RBFOX3: variants seen among roughly 807,000 people sequenced by gnomAD.
RBFOX3 encodes the protein RNA binding fox-1 homolog 3.
In RBFOX3, 17 loss-of-function variants were observed where a neutral mutation model predicts 48.7. The ratio of observed to expected loss-of-function variants is 0.35; its 90% CI spans 0.24 to 0.52. The LOEUF (loss-of-function observed/expected upper bound fraction) is 0.52, where lower values mean the gene tolerates loss of function less well. Among genes scored for constraint, RBFOX3 ranks in the 20% least tolerant of loss-of-function variants. The pLI, the probability that RBFOX3 is intolerant of heterozygous loss-of-function variation, is 0.94. For synonymous variants in RBFOX3, 212 were observed against 209.5 expected (o/e 1.01, Z -0.10); for missense variants, 382 against 497.5 (o/e 0.77, Z 2.21).
rs1203404870 is a variant in RBFOX3, at chr17:79,106,802, A to G, written c.223-14T>C. On this transcript the variant is annotated splice_polypyrimidine_tract_variant and intron_variant, in intron 5 of 14. Coordinates refer to ENST00000693108, the MANE Select transcript of RBFOX3 (RefSeq NM_001350451.2). ...CTCGTCTGTCTGCTGCAGGGAGAGG[A>G]CTGGGCTGTGGAGGCTGCCTCTGTG... is the stretch of plus-strand genomic sequence containing the variant. The G allele has an allele frequency of 6.6e-7, 1 of 1,506,010 alleles. No homozygotes were observed. Among genetic ancestry groups the G allele is most frequent in the African/African-American group, 1.4e-5 (1 of 70,220 alleles). The allele number at this position is 1,506,010 out of a possible 1,614,324, so 93.3% of individuals were successfully genotyped here. A position where few individuals can be genotyped will look rare whatever the true frequency, so the allele number is the denominator to read the frequency against.
chr17:79,559,468 G>A (rs2092025932), intron 1 of RBFOX3, among the ~76,000 whole-genome samples: 1 of 151,168 alleles, frequency 6.6e-6, no homozygotes, highest in African/African-American at 2.4e-5. Flanking sequence ...GGTGACTGAT[G>A]GATACTGCAT....
At chr17:79,654,374 G>T in the RBFOX3 span, among the ~76,000 whole-genome samples, 1 of 152,284 alleles carries the variant, frequency 6.6e-6, no homozygotes, top group Admixed American at 6.5e-5. Context: ...CAGGGAGCAG[G>T]GAAAGGGAAG....
At chr17:79,219,667 G>A (rs764894708) in intron 4 of RBFOX3, among the ~76,000 whole-genome samples, 10 of 152,276 alleles carry the variant, frequency 6.6e-5, no homozygotes, top group African/African-American at 9.6e-5. Context: ...ACTCTCCCCA[G>A]GGCCTCTGCA....
chr17:79,552,679 T>G (rs1363923563), intron 1 of RBFOX3, among the ~76,000 whole-genome samples: 1 of 152,218 alleles, frequency 6.6e-6, no homozygotes, highest in Non-Finnish European at 1.5e-5. Context: ...TTGGCTCCAT[T>G]TGGAGTTTAT....
At chr17:79,515,789 C>T (rs1793433541) in intron 1 of RBFOX3, among the ~76,000 whole-genome samples, 1 of 152,158 alleles carries the variant, frequency 6.6e-6, no homozygotes. Context: ...GGTTGCACCG[C>T]TTCAGAGTCC....
chr17:79,296,141 C>G (rs575022211), intron 3 of RBFOX3, among the ~76,000 whole-genome samples: 37 of 152,298 alleles, frequency 2.4e-4, no homozygotes, highest in African/African-American at 8.7e-4. Flanking sequence ...GCTGCTGACA[C>G]AGCCAAATTT....
intron 2 of RBFOX3, among the ~76,000 whole-genome samples, chr17:79,452,604 G>T (rs544138614): frequency 6.6e-6 from 1 of 152,282 alleles, no homozygotes; most frequent in Admixed American, 6.5e-5. Flanking sequence ...GGAAGTTAGG[G>T]CCATCAGGGG....
chr17:79,537,651 T>C (rs1555789098), intron 1 of RBFOX3, among the ~76,000 whole-genome samples: 2 of 152,084 alleles, frequency 1.3e-5, no homozygotes, highest in African/African-American at 4.8e-5. Flanking sequence ...AACGGACAAA[T>C]CTACTTCCTC....
At chr17:79,425,829 G>A (rs1053227382) in intron 2 of RBFOX3, among the ~76,000 whole-genome samples, 28 of 152,136 alleles carry the variant, frequency 1.8e-4, no homozygotes, top group Non-Finnish European at 3.2e-4. Context: ...CAGGAGGAGA[G>A]GATGGGGGGA....
At chr17:79,357,110 G>A (rs1405787274) in intron 2 of RBFOX3, among the ~76,000 whole-genome samples, 3 of 152,214 alleles carry the variant, frequency 2.0e-5, no homozygotes, top group Non-Finnish European at 4.4e-5. Flanking sequence ...GCCCACACCC[G>A]CTGGTGACAA....
intron 3 of RBFOX3, among the ~76,000 whole-genome samples, chr17:79,265,664 G>A (rs2066566873): frequency 6.6e-6 from 1 of 152,194 alleles, no homozygotes; most frequent in Non-Finnish European, 1.5e-5. Flanking sequence ...TCCAGAAAGG[G>A]CTTAGTTTCC....
chr17:79,162,745 G>T (rs2047220044), intron 4 of RBFOX3, among the ~76,000 whole-genome samples: 1 of 152,180 alleles, frequency 6.6e-6, no homozygotes, highest in Non-Finnish European at 1.5e-5. Flanking sequence ...GTTGTGGGTG[G>T]TGTGGGCGGG....
rs950673472 is a variant in RBFOX3, at chr17:79,570,653, G to C, written c.-320+40173C>G. ...AGCTCTCAAGCCCTCCTGTCCCTTAGGGTCACCTGGACAGCATTTCCAAAG... is the reference window on the plus strand; with the variant it reads ...AGCTCTCAAGCCCTCCTGTCCCTTACGGTCACCTGGACAGCATTTCCAAAG... On this transcript the variant is annotated intron_variant, in intron 1 of 14. Transcript: ENST00000693108. 3.1e-3 allele frequency among the ~76,000 whole-genome samples: 478 copies of C among 152,302 alleles called. 5 individuals are homozygous for C. Among genetic ancestry groups the C allele is most frequent in the African/African-American group, 0.011 (464 of 41,566 alleles).
chr17:79,644,442 T>C, the RBFOX3 span, among the ~76,000 whole-genome samples: 1 of 152,114 alleles, frequency 6.6e-6, no homozygotes, highest in Non-Finnish European at 1.5e-5. Flanking sequence ...AAAATAAAAT[T>C]AGCAGTAACA....
chr17:79,389,640 G>A (rs1036897130), intron 2 of RBFOX3, among the ~76,000 whole-genome samples: 2 of 152,156 alleles, frequency 1.3e-5, no homozygotes, highest in African/African-American at 2.4e-5. Flanking sequence ...GAGCATGCTG[G>A]GCCGGTTTCC....
intron 1 of RBFOX3, among the ~76,000 whole-genome samples, chr17:79,494,324 G>A (rs2081130885): frequency 6.6e-6 from 1 of 152,202 alleles, no homozygotes; most frequent in African/African-American, 2.4e-5. Flanking sequence ...GGTGAGGCCT[G>A]AAGGCTGACT....
chr17:79,097,773 A>G, intron 9 of RBFOX3, 28 bp from the exon 10 acceptor site: 1 of 1,549,978 alleles, frequency 6.5e-7, no homozygotes, highest in Non-Finnish European at 8.7e-7. Flanking sequence ...AGACCTAGTC[A>G]CTGCCTTCCC....
chr17:79,341,124 T>C (rs1283997475), intron 2 of RBFOX3, among the ~76,000 whole-genome samples: 1 of 152,200 alleles, frequency 6.6e-6, no homozygotes, highest in Non-Finnish European at 1.5e-5. Context: ...TGCACAGACA[T>C]GCACACGGGA....
At chr17:79,475,581 A>G (rs1166601751) in intron 2 of RBFOX3, among the ~76,000 whole-genome samples, 2 of 152,162 alleles carry the variant, frequency 1.3e-5, no homozygotes, top group African/African-American at 4.8e-5. Flanking sequence ...TGCAGATGTG[A>G]TGAAGGTAAG....
Sources: gnomAD v4.1 joint callset for allele counts (sites outside exome capture counted in the v4.1 genomes callset) on GRCh38, gnomAD v4.1.1 for gene constraint, MANE v1.5 for transcripts, NCBI Gene and HGNC (gene_info 2026-07-23, HGNC 2026-07-21) for gene names.